Variants in NR3C2 observed in about 807,000 individuals in gnomAD.
NR3C2 encodes nuclear receptor subfamily 3 group C member 2.
In NR3C2, 15 loss-of-function variants were observed where a neutral mutation model predicts 86.4. That is an observed-to-expected ratio of 0.17 (90% CI 0.12 to 0.27). The LOEUF (loss-of-function observed/expected upper bound fraction) is 0.27. NR3C2 is among the 10% of genes least tolerant of loss of function. The pLI is 1.00. For synonymous variants in NR3C2, 458 were observed against 450.5 expected (o/e 1.02, Z -0.21); for missense variants, 960 against 1,195.6 (o/e 0.80, Z 2.91).
chr4:148,184,247 G>A (rs1354607110), intron 4 of NR3C2, among the ~76,000 whole-genome samples: 2 of 151,148 alleles, frequency 1.3e-5, no homozygotes, highest in African/African-American at 2.4e-5. Flanking sequence ...TCAGGAGTTC[G>A]AGACCAGCCT....
intron 4 of NR3C2, among the ~76,000 whole-genome samples, chr4:148,159,733 G>T (rs1440941443): frequency 6.6e-6 from 1 of 152,166 alleles, no homozygotes; most frequent in Non-Finnish European, 1.5e-5. Flanking sequence ...AGATTAGCTA[G>T]CATAAGCTTC....
chr4:148,209,840 A>C (rs192673463), intron 3 of NR3C2, among the ~76,000 whole-genome samples: 1 of 152,214 alleles, frequency 6.6e-6, no homozygotes, highest in Admixed American at 6.5e-5. Flanking sequence ...GTTTAATCCT[A>C]ATGCTAGAAG....
rs1375959137 is a variant in NR3C2, at chr4:148,435,400, G to A, written c.1461C>T (p.Ser487=). The A allele has an allele frequency of 2.5e-6, 4 of 1,613,988 alleles. No homozygotes were observed. The highest frequency in any genetic ancestry group is 1.7e-5 in the Admixed American group (1 of 59,998). Residue 487 remains serine (S), a synonymous_variant, in exon 2 of 9, where the codon AGC becomes AGT. Transcript: ENST00000358102. ...VPGFDGNCEG[S]GFPVGIKQEP... ...CTTGTTTAATACCCACTGGGAATCC[G>A]CTGCCTTCACAGTTACCATCAAAGC...
chr4:148,363,552 G>C (rs189906260), intron 2 of NR3C2, among the ~76,000 whole-genome samples: 2 of 108,084 alleles, frequency 1.9e-5, no homozygotes, highest in East Asian at 5.8e-4. Context: ...GGCCCAGGCC[G>C]GATTGCAGTG....
At chr4:148,173,780 A>C (rs1264154845) in intron 4 of NR3C2, among the ~76,000 whole-genome samples, 1 of 152,198 alleles carries the variant, frequency 6.6e-6, no homozygotes, top group Non-Finnish European at 1.5e-5. Context: ...GTTGTAGCTG[A>C]CAAAGAGGGC....
chr4:148,368,287 G>A (rs568246274), intron 2 of NR3C2: 7 of 152,126 alleles, frequency 4.6e-5, no homozygotes, highest in South Asian at 4.1e-4. Context: ...GTACACTTGC[G>A]GTTTCAGCTT....
chr4:148,419,840 C>T (rs1231602271), intron 2 of NR3C2, among the ~76,000 whole-genome samples: 8 of 152,164 alleles, frequency 5.3e-5, no homozygotes, highest in African/African-American at 1.7e-4. Context: ...CCAGACAGTT[C>T]ATTTCAATAA....
intron 2 of NR3C2, among the ~76,000 whole-genome samples, chr4:148,317,641 G>A (rs1400226656): frequency 6.6e-6 from 1 of 152,014 alleles, no homozygotes; most frequent in East Asian, 1.9e-4. Context: ...TCTCAAAGAA[G>A]ATGATGTTCA....
At chr4:148,250,501 C>T (rs1373078942) in intron 3 of NR3C2, among the ~76,000 whole-genome samples, 1 of 152,128 alleles carries the variant, frequency 6.6e-6, no homozygotes, top group South Asian at 2.1e-4. Flanking sequence ...CAACACCTTC[C>T]CCAGGCTTTT....
chr4:148,371,816 T>C (rs1746435801), intron 2 of NR3C2, among the ~76,000 whole-genome samples: 1 of 152,224 alleles, frequency 6.6e-6, no homozygotes, highest in Non-Finnish European at 1.5e-5. Flanking sequence ...ACACAGTTGT[T>C]GCTTAAAGTC....
At chr4:148,338,553 T>G (rs1744601718) in intron 2 of NR3C2, among the ~76,000 whole-genome samples, 1 of 152,104 alleles carries the variant, frequency 6.6e-6, no homozygotes, top group Non-Finnish European at 1.5e-5. Flanking sequence ...ATCAAATGAT[T>G]ATAGGGGTTA....
intron 2 of NR3C2, among the ~76,000 whole-genome samples, chr4:148,399,231 C>T (rs569170147): frequency 2.0e-5 from 3 of 152,248 alleles, no homozygotes; most frequent in Non-Finnish European, 2.9e-5. Context: ...TTGCATTCTG[C>T]TTCCATATAT....
intron 3 of NR3C2, among the ~76,000 whole-genome samples, chr4:148,234,948 A>G (rs1046548958): frequency 3.9e-5 from 6 of 152,180 alleles, no homozygotes. Flanking sequence ...AACAACTGCT[A>G]AACATGAAAA....
At chr4:148,169,145 A>G (rs1015309173) in intron 4 of NR3C2, among the ~76,000 whole-genome samples, 1 of 152,220 alleles carries the variant, frequency 6.6e-6, no homozygotes, top group Non-Finnish European at 1.5e-5. Context: ...GAATAGATCT[A>G]CGATGACCAT....
rs559128798 is a variant in NR3C2 at position 148,108,331 on chromosome 4, C to G, written c.2799+5773G>C. ...TTGGCTGGGCTGGTCTCTAACTCCT[C>G]ACCTCAAGTGATCTGCCCACCTCCA... is the stretch of plus-strand genomic sequence containing the variant. On this transcript the variant is annotated intron_variant, in intron 8 of 8. Transcript: ENST00000358102. 1.1e-4 allele frequency among the ~76,000 whole-genome samples: 17 copies of G among 152,234 alleles called. No homozygotes were observed. In the South Asian group the frequency reaches 2.5e-3, roughly 22 times the overall value.
At chr4:148,389,367 T>C (rs146417289) in intron 2 of NR3C2, among the ~76,000 whole-genome samples, 69 of 152,304 alleles carry the variant, frequency 4.5e-4, no homozygotes, top group Non-Finnish European at 8.1e-4. Context: ...GGGTAAAAGG[T>C]GTTCAGCTCA....
At chr4:148,394,505 C>T (rs1488484003) in intron 2 of NR3C2, among the ~76,000 whole-genome samples, 2 of 146,656 alleles carry the variant, frequency 1.4e-5, no homozygotes, top group Non-Finnish European at 3.0e-5. Flanking sequence ...CATAACATAA[C>T]CCCAACTCTA....
At chr4:148,391,397 T>C (rs1747547425) in intron 2 of NR3C2, among the ~76,000 whole-genome samples, 1 of 152,238 alleles carries the variant, frequency 6.6e-6, no homozygotes, top group Non-Finnish European at 1.5e-5. Context: ...TTCTTACAAA[T>C]ACTGTCTTTG....
chr4:148,406,013 A>T lies in NR3C2; in HGVS notation c.1757+29091T>A, dbSNP rs537549817. Among the ~76,000 whole-genome samples, 13 of 152,282 alleles carry T rather than the reference A, an allele frequency of 8.5e-5. No homozygotes were observed. The South Asian group carries it at 1.7e-3, about 19-fold the overall frequency. On this transcript the variant is annotated intron_variant, in intron 2 of 8. Coordinates refer to ENST00000358102, the MANE Select transcript of NR3C2 (RefSeq NM_000901.5). The stretch of plus-strand genomic sequence containing the variant: ...TTTGGGTTTTTAAAAAAAAATTTTT[A>T]AATTTAGCCAGGTGCAATGGTACCT...
Sources: gnomAD v4.1 joint callset for allele counts (sites outside exome capture counted in the v4.1 genomes callset) on GRCh38, gnomAD v4.1.1 for gene constraint, MANE v1.5 for transcripts, NCBI Gene and HGNC (gene_info 2026-07-23, HGNC 2026-07-21) for gene names.